Variants in EFTUD2 observed in about 807,000 individuals in gnomAD.
EFTUD2 encodes the protein elongation factor Tu GTP binding domain containing 2.
In EFTUD2, 9 loss-of-function variants were observed where a neutral mutation model predicts 114.3. The observed-to-expected ratio is 0.08, with a 90% CI of 0.05 to 0.14. The LOEUF (loss-of-function observed/expected upper bound fraction) is 0.14, where lower values mean the gene tolerates loss of function less well. EFTUD2 is among the 10% of genes least tolerant of loss of function. EFTUD2 has a pLI of 1.00. For synonymous variants in EFTUD2, 449 were observed against 462.3 expected (o/e 0.97, Z 0.37); for missense variants, 765 against 1,241.2 (o/e 0.62, Z 5.76).
chr17:44,896,157 A>G (rs1597833879), intron 1 of EFTUD2, among the ~76,000 whole-genome samples: 1 of 152,216 alleles, frequency 6.6e-6, no homozygotes, highest in East Asian at 1.9e-4. Flanking sequence ...AGGCCTCTCC[A>G]TTGTAAAGTT....
intron 10 of EFTUD2, chr17:44,873,173 C>T (rs2050885287): frequency 6.6e-6 from 1 of 152,240 alleles, no homozygotes; most frequent in African/African-American, 2.4e-5. Flanking sequence ...GGCACATTAT[C>T]TTATGGAATG....
At chr17:44,863,024 G>C in intron 15 of EFTUD2, 118 bp from the exon 16 acceptor site, 1 of 817,240 alleles carries the variant, frequency 1.2e-6, no homozygotes, top group Non-Finnish European at 1.9e-6. Context: ...AGAAAGATGA[G>C]GTAGTCTCAT....
Position 44,879,644 on chromosome 17 carries a change from A to G in EFTUD2, c.620-6T>C. 6.2e-7 allele frequency: 1 copy of G among 1,613,588 alleles called. No homozygotes were observed. The highest frequency in any genetic ancestry group is 8.5e-7 in the Non-Finnish European group (1 of 1,179,826). On this transcript the variant is annotated splice_region_variant and splice_polypyrimidine_tract_variant and intron_variant, in intron 8 of 27. Coordinates refer to ENST00000426333, the MANE Select transcript of EFTUD2 (RefSeq NM_004247.4). ...ATCAGAGAAATTCACATGTCCTGAA[A>G]AGCAAATACTAAGTAAGTCATCACT...
At chr17:44,876,266 A>C (rs1376171964) in intron 9 of EFTUD2, among the ~76,000 whole-genome samples, 166 bp from the exon 10 acceptor site, 2 of 152,198 alleles carry the variant, frequency 1.3e-5, no homozygotes, top group African/African-American at 4.8e-5. Flanking sequence ...GAAGATAGAC[A>C]CAGGAACTTT....
chr17:44,868,425 G>A (rs769966040), intron 11 of EFTUD2, 75 bp from the exon 12 acceptor site: 7 of 1,445,926 alleles, frequency 4.8e-6, no homozygotes, highest in Admixed American at 1.8e-5. Context: ...TGCCACAGGT[G>A]GTTCATAGCT....
rs1192971604 is a variant in EFTUD2, at chr17:44,875,917, T to TC, written c.869+16dup. 6.2e-7 allele frequency: 1 copy of TC among 1,610,108 alleles called. No individual in the cohort carries two copies. Among genetic ancestry groups the TC allele is most frequent in the South Asian group, 1.1e-5 (1 of 90,976 alleles). ...GAGCCTCCGAGGACAGGAAATCCAC[T>TC]CCCAGGGGTTTTCTACCTTATTAAT... On this transcript the variant is annotated intron_variant, in intron 10 of 27. Coordinates refer to ENST00000426333, the MANE Select transcript of EFTUD2 (RefSeq NM_004247.4).
chr17:44,881,803 A>T, intron 6 of EFTUD2, 81 bp from the exon 7 acceptor site: 4 of 1,310,478 alleles, frequency 3.1e-6, no homozygotes, highest in Non-Finnish European at 4.4e-6. Context: ...TTCCCTCACT[A>T]CCTCCCAGCT....
intron 4 of EFTUD2, chr17:44,884,035 G>A: frequency 3.1e-6 from 1 of 322,382 alleles, no homozygotes; most frequent in Non-Finnish European, 6.0e-6. Flanking sequence ...GGGAGGCCGA[G>A]GTGGGTGGAT....
At chr17:44,868,117 C>G (rs1433250956) in intron 12 of EFTUD2, among the ~76,000 whole-genome samples, 170 bp downstream of exon 12, 1 of 150,986 alleles carries the variant, frequency 6.6e-6, no homozygotes, top group Non-Finnish European at 1.5e-5. Context: ...AGCTTCTCAC[C>G]AGATCAGAGC....
rs1382402264 is a variant in EFTUD2, at chr17:44,876,046, C to T, written c.757G>A (p.Val253Ile). The T allele has an allele frequency of 3.1e-6, 5 of 1,613,936 alleles. No homozygotes were observed. The Admixed American group carries it at 6.7e-5, about 22-fold the overall frequency. The change falls in exon 10 of 28, where the codon GTC (valine) becomes ATC (isoleucine). Residue 253 changes from valine to isoleucine, a missense_variant. This residue lies in a region of EFTUD2 where 251 missense variants were observed against 357.7 expected (regional missense o/e 0.70). Transcript: ENST00000426333. Reference protein sequence around the residue: ...IKHAVQERLAVTVCINKIDRL... With the variant: ...IKHAVQERLAITVCINKIDRL... The stretch of plus-strand genomic sequence containing the variant: ...TCAATCTTGTTGATGCACACAGTGA[C>T]TGCCAGCCTCTCCTGCACCGCATGC...
At chr17:44,868,207 G>T in intron 12 of EFTUD2, 80 bp downstream of exon 12, 225 of 1,148,796 alleles carry the variant, frequency 2.0e-4, no homozygotes, top group Non-Finnish European at 2.6e-4. Flanking sequence ...TTTAATCTTT[G>T]AACTCAGAGA....
chr17:44,893,390 G>C (rs2051317785), intron 2 of EFTUD2, among the ~76,000 whole-genome samples: 1 of 152,168 alleles, frequency 6.6e-6, no homozygotes, highest in South Asian at 2.1e-4. Flanking sequence ...CAAGGTGCTG[G>C]GATTACAGGC....
At position 44,854,856 on chromosome 17, in the gene EFTUD2, C is replaced by T. The variant is rs371064748; in HGVS notation, c.2132+62G>A. 31 of 1,576,002 alleles carry T rather than the reference C, an allele frequency of 2.0e-5. No individual in the cohort carries two copies. The highest frequency in any genetic ancestry group is 1.9e-4 in the Middle Eastern group (1 of 5,304). On this transcript the variant is annotated intron_variant, in intron 21 of 27. Coordinates refer to ENST00000426333, the MANE Select transcript of EFTUD2 (RefSeq NM_004247.4). The surrounding 1 kb of genome is among the most constrained non-coding windows in gnomAD (Gnocchi z 4.3). ...AGAAAGATGTGTGCTCTTAGAGACC[C>T]GGCAGTTAAACTGTGGCATCCCTGC...
chr17:44,879,434 GC>G, intron 9 of EFTUD2, 121 bp downstream of exon 9: 1 of 948,274 alleles, frequency 1.1e-6, no homozygotes, highest in Non-Finnish European at 1.7e-6. Context: ...GCAAATTTGA[GC>G]CTTAATCCCA....
chr17:44,890,680 G>A (rs182942275), intron 2 of EFTUD2, among the ~76,000 whole-genome samples: 47 of 152,082 alleles, frequency 3.1e-4, no homozygotes, highest in African/African-American at 8.4e-4. Context: ...CAACAAGAGC[G>A]AAACTCCATC....
At chr17:44,872,692 G>T in intron 10 of EFTUD2, 122 bp from the exon 11 acceptor site, 1 of 1,296,062 alleles carries the variant, frequency 7.7e-7, no homozygotes. Context: ...ACTTGTGCAA[G>T]ACACTCAGTT....
At chr17:44,865,359 C>A in intron 13 of EFTUD2, 1 of 306,870 alleles carries the variant, frequency 3.3e-6, no homozygotes, top group South Asian at 6.3e-5. Flanking sequence ...GCATCTCCTC[C>A]CACTCAGAAA....
rs1414516258 is a variant in EFTUD2 at position 44,851,844 on chromosome 17, C to T, written c.2716-27G>A. ...TAAAAGGCAAAGGAATTTCAGATGG[C>T]CCAGGCAGAATTCCCAGAAGATTCA... On this transcript the variant is annotated intron_variant, in intron 26 of 27. Transcript: ENST00000426333. The T allele has an allele frequency of 5.1e-6, 8 of 1,579,752 alleles. No individual in the cohort carries two copies. The South Asian group carries it at 8.0e-5, about 16-fold the overall frequency.
rs756605422 is a variant in EFTUD2 at position 44,885,342 on chromosome 17, A to G, written c.272-8T>C. The G allele has an allele frequency of 1.2e-5, 17 of 1,451,990 alleles. No individual in the cohort carries two copies. The East Asian group carries it at 3.1e-4, about 26-fold the overall frequency. 89.9% of individuals were successfully genotyped at this position (1,451,990 alleles called of 1,614,324 possible). On this transcript the variant is annotated splice_region_variant and splice_polypyrimidine_tract_variant and intron_variant, in intron 3 of 27. Coordinates refer to ENST00000426333, the MANE Select transcript of EFTUD2 (RefSeq NM_004247.4). ...CTGGCTTAATAATGGGTTCTAGAAG[A>G]AAAAAAAAAGGTAGTGATGTGTAGG...
Sources: allele counts gnomAD v4.1 joint callset (sites outside exome capture counted in the v4.1 genomes callset), GRCh38; gene constraint gnomAD v4.1.1; regional missense constraint gnomAD v4.1.1; non-coding constraint Gnocchi (gnomAD v3.1); transcripts MANE v1.5; gene names NCBI Gene and HGNC (gene_info 2026-07-23, HGNC 2026-07-21).